Variants in NELL1 observed in about 807,000 individuals in gnomAD.
The protein encoded by NELL1 is protein kinase C-binding protein NELL1.
In NELL1, 76 loss-of-function variants were observed where a neutral mutation model predicts 107.4. The observed-to-expected ratio is 0.71, with a 90% CI of 0.59 to 0.86. The LOEUF is 0.86. NELL1 is among the 40% of genes least tolerant of loss of function. The probability of loss-of-function intolerance (pLI) is 0.00; values close to 1 mark genes in which losing one functional copy is unlikely to be tolerated. For missense variants in NELL1, 1,024 were observed against 1,005.5 expected (o/e 1.02, Z -0.25); for synonymous variants, 353 against 341.2 (o/e 1.03, Z -0.38).
At position 21,335,047 on chromosome 11, in the gene NELL1, A is replaced by G. The variant is rs112894953; in HGVS notation, c.1550-35806A>G. On this transcript the variant is annotated intron_variant, in intron 14 of 19. Transcript: ENST00000357134. ...TCTGAACACATTAAGCCATTTGAAG[A>G]GGCTCCAAAAGTGGAATCAAATTCA... 3.6e-3 allele frequency among the ~76,000 whole-genome samples: 549 copies of G among 152,090 alleles called. 4 individuals carry two copies. The highest frequency in any genetic ancestry group is 0.012 in the African/African-American group (511 of 41,506).
At chr11:21,191,922 A>G (rs1211412556) in intron 13 of NELL1, among the ~76,000 whole-genome samples, 2 of 151,946 alleles carry the variant, frequency 1.3e-5, no homozygotes, top group East Asian at 1.9e-4. Flanking sequence ...TAGCTTACAC[A>G]TTCCAAATGG....
chr11:21,386,517 A>T (rs1158201155), intron 15 of NELL1, among the ~76,000 whole-genome samples: 1 of 151,932 alleles, frequency 6.6e-6, no homozygotes, highest in Non-Finnish European at 1.5e-5. Context: ...ATGGCCAGAT[A>T]TAGTATTTTC....
At chr11:21,238,901 C>T (rs1858277226) in intron 14 of NELL1, among the ~76,000 whole-genome samples, 1 of 152,040 alleles carries the variant, frequency 6.6e-6, no homozygotes, top group African/African-American at 2.4e-5. Flanking sequence ...ATTTTCTTCA[C>T]CTGTGAAAGG....
intron 14 of NELL1, among the ~76,000 whole-genome samples, chr11:21,293,839 C>A (rs187659392): frequency 6.6e-6 from 1 of 152,184 alleles, no homozygotes; most frequent in African/African-American, 2.4e-5. Flanking sequence ...AACAGAAAAC[C>A]AAACACCACA....
At chr11:21,095,286 G>A (rs1173979485) in intron 12 of NELL1, among the ~76,000 whole-genome samples, 1 of 152,104 alleles carries the variant, frequency 6.6e-6, no homozygotes, top group Non-Finnish European at 1.5e-5. Flanking sequence ...ATCGCTATCA[G>A]GCTTTTCATC....
intron 2 of NELL1, among the ~76,000 whole-genome samples, chr11:20,695,848 G>T (rs912390407): frequency 6.6e-6 from 1 of 152,000 alleles, no homozygotes; most frequent in African/African-American, 2.4e-5. Context: ...CAGTGGAATT[G>T]GTACCAGCTT....
chr11:21,471,879 A>C (rs1039720911), intron 15 of NELL1, among the ~76,000 whole-genome samples: 8 of 152,076 alleles, frequency 5.3e-5, no homozygotes, highest in African/African-American at 1.9e-4. Flanking sequence ...TTGGCTTCTA[A>C]TTGTGTACAG....
At chr11:21,513,909 G>A (rs1231892760) in intron 15 of NELL1, among the ~76,000 whole-genome samples, 1 of 152,180 alleles carries the variant, frequency 6.6e-6, no homozygotes, top group Non-Finnish European at 1.5e-5. Flanking sequence ...GTATGTTAGA[G>A]TGATGATGAG....
chr11:21,250,516 G>A (rs761750047), intron 14 of NELL1, among the ~76,000 whole-genome samples: 1 of 152,104 alleles, frequency 6.6e-6, no homozygotes, highest in Non-Finnish European at 1.5e-5. Context: ...TCAGCTGCCA[G>A]CTGGATTTGA....
chr11:21,150,045 G>T (rs1019087597), intron 13 of NELL1, among the ~76,000 whole-genome samples: 1 of 152,046 alleles, frequency 6.6e-6, no homozygotes, highest in South Asian at 2.1e-4. Flanking sequence ...TGCAAAAACC[G>T]AGGAGGAGAG....
intron 13 of NELL1, among the ~76,000 whole-genome samples, chr11:21,117,091 C>A (rs1259347844): frequency 1.3e-5 from 2 of 151,894 alleles, no homozygotes; most frequent in Non-Finnish European, 2.9e-5. Flanking sequence ...TTTGTTAAGA[C>A]CTTTGCATGA....
chr11:21,404,244 C>T (rs1852177885), intron 15 of NELL1, among the ~76,000 whole-genome samples: 1 of 151,854 alleles, frequency 6.6e-6, no homozygotes, highest in South Asian at 2.1e-4. Flanking sequence ...CCACATTTGC[C>T]TATACTTATA....
chr11:21,389,703 T>C (rs1851825142), intron 15 of NELL1, among the ~76,000 whole-genome samples: 1 of 151,882 alleles, frequency 6.6e-6, no homozygotes, highest in African/African-American at 2.4e-5. Flanking sequence ...CCAGATCCTT[T>C]TGTTCAACAT....
At chr11:21,440,060 A>G (rs1430155205) in intron 15 of NELL1, among the ~76,000 whole-genome samples, 2 of 152,222 alleles carry the variant, frequency 1.3e-5, no homozygotes, top group African/African-American at 4.8e-5. Flanking sequence ...CTACTATTAC[A>G]TACAGAAAAA....
intron 12 of NELL1, among the ~76,000 whole-genome samples, chr11:21,043,550 G>A (rs1024450537): frequency 2.0e-5 from 3 of 152,082 alleles, no homozygotes. Flanking sequence ...TTTTCTAAGT[G>A]TAAGAGTTTA....
At chr11:21,319,000 T>G (rs552670690) in intron 14 of NELL1, among the ~76,000 whole-genome samples, 2 of 152,058 alleles carry the variant, frequency 1.3e-5, no homozygotes, top group African/African-American at 4.8e-5. Context: ...GTAATACTTG[T>G]AATGAGCTTG....
intron 12 of NELL1, among the ~76,000 whole-genome samples, chr11:21,046,912 T>A (rs1316308691): frequency 1.3e-5 from 2 of 151,632 alleles, no homozygotes; most frequent in Non-Finnish European, 2.9e-5. Flanking sequence ...AGATGGGGTT[T>A]CCTTCTGTTG....
intron 15 of NELL1, among the ~76,000 whole-genome samples, chr11:21,476,231 C>T (rs1303465708): frequency 6.6e-6 from 1 of 152,002 alleles, no homozygotes; most frequent in South Asian, 2.1e-4. Flanking sequence ...TGATTTATTC[C>T]TATTAATATG....
intron 17 of NELL1, among the ~76,000 whole-genome samples, chr11:21,564,487 C>T (rs1031108921): frequency 3.3e-5 from 5 of 151,844 alleles, no homozygotes; most frequent in Admixed American, 6.6e-5. Context: ...GCAAGTTGGG[C>T]TTGTATACTA....
Sources: gnomAD v4.1 joint callset for allele counts (sites outside exome capture counted in the v4.1 genomes callset) on GRCh38, gnomAD v4.1.1 for gene constraint, MANE v1.5 for transcripts, NCBI Gene and HGNC (gene_info 2026-07-23, HGNC 2026-07-21) for gene names.